ECPAS: variants seen among roughly 807,000 people sequenced by gnomAD.
ECPAS encodes the protein proteasome adapter and scaffold protein ECM29.
Under a neutral mutation model 255.1 loss-of-function variants are expected in ECPAS, and 70 were observed. The ratio of observed to expected loss-of-function variants is 0.27; its 90% CI spans 0.23 to 0.33. The LOEUF is 0.33. Ranked by LOEUF, ECPAS falls within the 10% of genes least tolerant of loss-of-function variation. The probability of loss-of-function intolerance (pLI) is 1.00; values close to 1 mark genes in which losing one functional copy is unlikely to be tolerated. For synonymous variants in ECPAS, 784 were observed against 775.0 expected (o/e 1.01, Z -0.19); for missense variants, 1,817 against 2,206.4 (o/e 0.82, Z 3.54).
chr9:111,479,432 C>A (rs902490509), intron 1 of ECPAS, among the ~76,000 whole-genome samples: 3 of 151,168 alleles, frequency 2.0e-5, no homozygotes, highest in African/African-American at 7.3e-5. Context: ...CCTGTCTCTA[C>A]CAAAAAAAAA....
chr9:111,377,536 C>A lies in ECPAS; in HGVS notation c.3955-995G>T, dbSNP rs1260464668. On this transcript the variant is annotated intron_variant, in intron 36 of 49. Transcript: ENST00000684092. Reference sequence around the variant, plus strand: ...TTGCAAAACCTCTCCATCAAAAATTCAAAATCACCTCACTGTAGAACACTA... The same window carrying A: ...TTGCAAAACCTCTCCATCAAAAATTAAAAATCACCTCACTGTAGAACACTA... Among the ~76,000 whole-genome samples the A allele has an allele frequency of 3.3e-5, 5 of 152,250 alleles. 1 individual carries two copies. Among genetic ancestry groups the A allele is most frequent in the Admixed American group, 6.5e-5 (1 of 15,304 alleles).
At chr9:111,426,164 C>T (rs1371692471) in intron 10 of ECPAS, among the ~76,000 whole-genome samples, 1 of 152,148 alleles carries the variant, frequency 6.6e-6, no homozygotes, top group Non-Finnish European at 1.5e-5. Context: ...CTAATAAAAG[C>T]TTCAGAGAAA....
At chr9:111,451,793 C>T (rs1388365520) in intron 2 of ECPAS, among the ~76,000 whole-genome samples, 1 of 152,170 alleles carries the variant, frequency 6.6e-6, no homozygotes, top group Non-Finnish European at 1.5e-5. Flanking sequence ...AAAGTTCTCT[C>T]CCACATGCAA....
intron 3 of ECPAS, among the ~76,000 whole-genome samples, chr9:111,446,148 A>C (rs1004605925): frequency 1.3e-5 from 2 of 152,174 alleles, no homozygotes; most frequent in African/African-American, 4.8e-5. Flanking sequence ...TTGTATTCTG[A>C]ATATCATCTG....
chr9:111,379,315 C>CAT (rs1226485004), intron 35 of ECPAS, among the ~76,000 whole-genome samples: 1 of 152,214 alleles, frequency 6.6e-6, no homozygotes. Context: ...TTTACCAGTG[C>CAT]ATATAGAAGT....
intron 5 of ECPAS, among the ~76,000 whole-genome samples, chr9:111,440,946 C>G (rs186444546): frequency 1.3e-5 from 2 of 151,058 alleles, no homozygotes; most frequent in South Asian, 4.2e-4. Flanking sequence ...GGGCAGATGA[C>G]GAGGTCAGGA....
intron 1 of ECPAS, among the ~76,000 whole-genome samples, chr9:111,482,518 A>C (rs1181712553): frequency 1.4e-4 from 22 of 152,252 alleles, no homozygotes; most frequent in Admixed American, 1.4e-3. Context: ...ATGGAAATTC[A>C]GAAGCGGCTT....
rs762858621 is a variant in ECPAS at position 111,444,371 on chromosome 9, C to T, written c.270+7G>A. ...TAAGTCAGAAAATATTCCAATACAA[C>T]ACTCACTGTGACAAAGGAAACTGCA... On this transcript the variant is annotated splice_region_variant and intron_variant, in intron 4 of 49. Transcript: ENST00000684092. The T allele has an allele frequency of 5.1e-6, 8 of 1,572,342 alleles. No individual in the cohort carries two copies. Among genetic ancestry groups the T allele is most frequent in the Non-Finnish European group, 7.0e-6 (8 of 1,145,972 alleles).
In ECPAS at chr9:111,406,329, T is replaced by C. The variant is rs2098183887; in HGVS notation, c.2652+2242A>G. Among the ~76,000 whole-genome samples, 2 of 149,480 alleles carry C rather than the reference T, an allele frequency of 1.3e-5. 1 individual carries two copies. The highest frequency in any genetic ancestry group is 5.1e-5 in the African/African-American group (2 of 39,312). On this transcript the variant is annotated intron_variant, in intron 24 of 49. Coordinates refer to ENST00000684092, the MANE Select transcript of ECPAS (RefSeq NM_001364929.1). Reference sequence around the variant, plus strand: ...GAGAAAACTGATCTCATGGAAGTAGTGAACAAATGGTGGTTACCAGAGGCC... The same window carrying C: ...GAGAAAACTGATCTCATGGAAGTAGCGAACAAATGGTGGTTACCAGAGGCC...
intron 21 of ECPAS, 46 bp from the exon 22 acceptor site, chr9:111,411,188 T>G (rs1420945304): frequency 6.4e-7 from 1 of 1,571,750 alleles, no homozygotes; most frequent in African/African-American, 1.4e-5. Flanking sequence ...CTCTCTCATA[T>G]ACGCAAGAAT....
At chr9:111,424,993 C>T (rs2098219382) in intron 12 of ECPAS, among the ~76,000 whole-genome samples, 3 of 152,098 alleles carry the variant, frequency 2.0e-5, no homozygotes, top group East Asian at 1.9e-4. Flanking sequence ...TTGAGACGGC[C>T]AGTAGAGATG....
intron 1 of ECPAS, among the ~76,000 whole-genome samples, chr9:111,480,373 C>A (rs1220549941): frequency 7.1e-6 from 1 of 141,100 alleles, no homozygotes; most frequent in Non-Finnish European, 1.5e-5. Flanking sequence ...TCTTGGCTCA[C>A]TGGAACTTCC....
chr9:111,468,168 AAAAC>A (rs1348300926), intron 2 of ECPAS, among the ~76,000 whole-genome samples: 1 of 152,036 alleles, frequency 6.6e-6, no homozygotes, highest in African/African-American at 2.4e-5. Context: ...AAACAAAACA[AAAAC>A]AAACAAGCTG....
chr9:111,384,553 G>C lies in ECPAS; in HGVS notation c.3650C>G (p.Ala1217Gly). 6.2e-7 allele frequency: 1 copy of C among 1,613,592 alleles called. No individual in the cohort carries two copies. Among genetic ancestry groups the C allele is most frequent in the Non-Finnish European group, 8.5e-7 (1 of 1,179,676 alleles). The change falls in exon 34 of 50, where the codon GCG (alanine) becomes GGG (glycine). Residue 1217 changes from alanine to glycine, a missense_variant. By Grantham distance (60) the Ala-to-Gly change is moderately conservative. Transcript: ENST00000684092. ...CAGAGTTTTCAGAGCTAGTTCTGCCGCTTTTCGTACAGATTCCTAAAAATG... is the reference window on the plus strand; with the variant it reads ...CAGAGTTTTCAGAGCTAGTTCTGCCCCTTTTCGTACAGATTCCTAAAAATG... ...QDDIKESVRKAAELALKTLSK... is the reference protein window; with the variant it reads ...QDDIKESVRKGAELALKTLSK...
chr9:111,430,042 T>C (rs1323031895), intron 9 of ECPAS, among the ~76,000 whole-genome samples: 1 of 152,266 alleles, frequency 6.6e-6, no homozygotes, highest in Non-Finnish European at 1.5e-5. Context: ...AGTCCGAATC[T>C]GGCCCACCAT....
Position 111,372,409 on chromosome 9 carries a change from ACT to A in ECPAS, c.4528+18_4528+19del, listed in dbSNP as rs1236761607. On this transcript the variant is annotated intron_variant, in intron 42 of 49. Coordinates refer to ENST00000684092, the MANE Select transcript of ECPAS (RefSeq NM_001364929.1). The stretch of plus-strand genomic sequence containing the variant: ...CTGTGATTCCTAAGAAGCAGGTTTA[ACT>A]CAGGCCACACTACTAACCAGGTACG... The A allele has an allele frequency of 1.0e-5, 16 of 1,606,178 alleles. No homozygotes were observed. Among genetic ancestry groups the A allele is most frequent in the Admixed American group, 8.4e-5 (5 of 59,536 alleles).
Position 111,446,467 on chromosome 9 carries a change from C to T in ECPAS, c.154-1973G>A, listed in dbSNP as rs143922719. Reference sequence around the variant, plus strand: ...TGAAATTCGTGCTCTAGCCTCAAAGCATGCATAAAGAAAGCTGTAGAGATG... The same window carrying T: ...TGAAATTCGTGCTCTAGCCTCAAAGTATGCATAAAGAAAGCTGTAGAGATG... On this transcript the variant is annotated intron_variant, in intron 3 of 49. Coordinates refer to ENST00000684092, the MANE Select transcript of ECPAS (RefSeq NM_001364929.1). 2.0e-5 allele frequency among the ~76,000 whole-genome samples: 3 copies of T among 152,206 alleles called. No individual in the cohort carries two copies. In the East Asian group the frequency reaches 5.8e-4, roughly 29 times the overall value.
rs142217155 is a variant in ECPAS, at chr9:111,372,579, T to G, written c.4378A>C (p.Ile1460Leu). 1 of 1,613,436 alleles carries G rather than the reference T, an allele frequency of 6.2e-7. No homozygotes were observed. Among genetic ancestry groups the G allele is most frequent in the South Asian group, 1.1e-5 (1 of 91,036 alleles). Residue 1460 changes from isoleucine to leucine, a missense_variant, in exon 42 of 50, where the codon ATT (isoleucine) becomes CTT (leucine). Physicochemically the swap from Ile to Leu is conservative, Grantham distance 5. Around this residue, in one of 4 missense-constraint regions of ECPAS, gnomAD observed 960 missense variants for 1,179.0 expected, o/e 0.81. Transcript: ENST00000684092. Reference protein sequence around the residue: ...KTSCALTIHAIGRYSPDVLKN... With the variant: ...KTSCALTIHALGRYSPDVLKN... ...AATACATCAGGGCTGTATCGTCCAA[T>G]AGCATGAATAGTCAAAGCACAAGAG...
At chr9:111,480,845 C>T (rs1459747665) in intron 1 of ECPAS, among the ~76,000 whole-genome samples, 1 of 152,168 alleles carries the variant, frequency 6.6e-6, no homozygotes, top group Non-Finnish European at 1.5e-5. Flanking sequence ...ATTATTTGTT[C>T]CTAACTTTCC....
Sources: gnomAD v4.1 joint callset for allele counts (sites outside exome capture counted in the v4.1 genomes callset) on GRCh38, gnomAD v4.1.1 for gene constraint, gnomAD v4.1.1 regional missense constraint, MANE v1.5 for transcripts, NCBI Gene and HGNC (gene_info 2026-07-23, HGNC 2026-07-21) for gene names.